The following IL34 variants were observed in gnomAD, a reference collection of about 807,000 sequenced individuals.
IL34 encodes interleukin-34.
In IL34, 17 loss-of-function variants were observed where a neutral mutation model predicts 25.3. The ratio of observed to expected loss-of-function variants is 0.67; its 90% CI spans 0.46 to 1.01. IL34 has a LOEUF of 1.01. Ranked by LOEUF, IL34 falls within the 50% of genes least tolerant of loss-of-function variation. The pLI is 0.00. For synonymous variants in IL34, 174 were observed against 140.9 expected, an observed-to-expected ratio of 1.23 and a Z score of -1.66; for missense variants, 368 against 312.9, an observed-to-expected ratio of 1.18 and a Z score of -1.33.
chr16:70,651,344 A>T (rs2052074006), intron 1 of IL34, among the ~76,000 whole-genome samples: 1 of 152,190 alleles, frequency 6.6e-6, no homozygotes, highest in Non-Finnish European at 1.5e-5. Flanking sequence ...AAGTAAGCAG[A>T]TGTTAAAGGG....
intron 1 of IL34, among the ~76,000 whole-genome samples, chr16:70,602,583 A>ATATG (rs1555503166): frequency 8.1e-5 from 11 of 135,052 alleles, no homozygotes; most frequent in South Asian, 7.6e-4. Flanking sequence ...TTTGGAATTG[A>ATATG]TGTGTGTGTG....
At chr16:70,644,977 A>AGG (rs1418134125), upstream of IL34, among the ~76,000 whole-genome samples, 1 of 135,056 alleles carries the variant, frequency 7.4e-6, no homozygotes, top group Non-Finnish European at 1.6e-5. Context: ...AGGAAGAGAA[A>AGG]GGGAGTAGGA....
intron 4 of IL34, among the ~76,000 whole-genome samples, chr16:70,658,544 C>G (rs1184058309): frequency 6.6e-6 from 1 of 151,710 alleles, no homozygotes; most frequent in South Asian, 2.1e-4. Flanking sequence ...TGCAGTGGGG[C>G]AATCTTGGCT....
At chr16:70,614,864 T>C (rs924707707) in intron 1 of IL34, among the ~76,000 whole-genome samples, 3 of 151,828 alleles carry the variant, frequency 2.0e-5, no homozygotes, top group Non-Finnish European at 4.4e-5. Context: ...TTGTAGGTCT[T>C]GCCCAAGGCT....
chr16:70,642,007 A>G (rs1241790339), upstream of IL34, among the ~76,000 whole-genome samples: 1 of 152,204 alleles, frequency 6.6e-6, no homozygotes, highest in African/African-American at 2.4e-5. Context: ...AAAAAGAGTA[A>G]AGTACGGATA....
chr16:70,626,623 T>C (rs1045873471), intron 1 of IL34, among the ~76,000 whole-genome samples: 1 of 152,152 alleles, frequency 6.6e-6, no homozygotes, highest in African/African-American at 2.4e-5. Flanking sequence ...CTGGAACTCC[T>C]GACCTCAGGT....
intron 1 of IL34, among the ~76,000 whole-genome samples, chr16:70,631,498 A>G (rs1015401648): frequency 1.3e-5 from 2 of 152,230 alleles, no homozygotes; most frequent in Admixed American, 6.5e-5. Flanking sequence ...TATGTTAAAA[A>G]CAAAACCAAA....
intron 1 of IL34, among the ~76,000 whole-genome samples, chr16:70,619,934 C>G (rs2051245344): frequency 6.6e-6 from 1 of 152,270 alleles, no homozygotes; most frequent in African/African-American, 2.4e-5. Flanking sequence ...GTAGCAAGCT[C>G]CTGTGGGAGG....
chr16:70,656,986 G>A lies in IL34; in HGVS notation c.267G>A (p.Glu89=). ...AGAGGGCCCAGGTGAGCGAGCGGGA[G>A]CTGCGGTATCTGTGGGTCTTGGTGA... ...RLQRAQVSER[E]LRYLWVLVSL... Residue 89 remains glutamate, a synonymous_variant, in exon 4 of 6, where the codon GAG becomes GAA. Coordinates refer to ENST00000288098, the MANE Select transcript of IL34 (RefSeq NM_001393494.1). The A allele has an allele frequency of 6.2e-7, 1 of 1,611,236 alleles. No homozygotes were observed. Among genetic ancestry groups the A allele is most frequent in the South Asian group, 1.1e-5 (1 of 90,938 alleles).
chr16:70,625,746 A>T (rs1208924991), intron 1 of IL34, among the ~76,000 whole-genome samples: 1 of 152,170 alleles, frequency 6.6e-6, no homozygotes, highest in Admixed American at 6.5e-5. Flanking sequence ...TCTCCCAGAA[A>T]ATGAAAGGAA....
intron 1 of IL34, among the ~76,000 whole-genome samples, chr16:70,636,502 C>A (rs71384768): frequency 0.021 from 3,163 of 151,866 alleles, 50 homozygotes; most frequent in Non-Finnish European, 0.033. Flanking sequence ...GACATAGTGT[C>A]GTGGCTCATG....
chr16:70,641,205 A>G (rs2051774506), intron 1 of IL34, among the ~76,000 whole-genome samples: 1 of 152,094 alleles, frequency 6.6e-6, no homozygotes, highest in Admixed American at 6.6e-5. Context: ...CCTGGGAGGC[A>G]GAGGTTGCAG....
intron 1 of IL34, among the ~76,000 whole-genome samples, chr16:70,606,367 C>T (rs1201847673): frequency 2.0e-5 from 3 of 152,114 alleles, no homozygotes; most frequent in Admixed American, 6.5e-5. Context: ...CACTGCACTC[C>T]AGCCTGGGCA....
chr16:70,623,296 T>C (rs939716308), intron 1 of IL34, among the ~76,000 whole-genome samples: 2 of 151,850 alleles, frequency 1.3e-5, no homozygotes, highest in African/African-American at 2.4e-5. Context: ...AACATAATAA[T>C]GGATTGTGGA....
intron 5 of IL34, 114 bp from the exon 6 acceptor site, chr16:70,659,883 A>G: frequency 6.8e-7 from 1 of 1,477,722 alleles, no homozygotes; most frequent in South Asian, 1.3e-5. Flanking sequence ...CCATTTCTGG[A>G]AGCCAGGATG....
At chr16:70,613,425 C>T (rs563232395) in intron 1 of IL34, among the ~76,000 whole-genome samples, 1 of 152,172 alleles carries the variant, frequency 6.6e-6, no homozygotes, top group Non-Finnish European at 1.5e-5. Flanking sequence ...TGGTCTCCAC[C>T]CTTACTGTAC....
At chr16:70,593,458 AAAGGTCT>A (rs879301872) in intron 1 of IL34, among the ~76,000 whole-genome samples, 8 of 152,270 alleles carry the variant, frequency 5.3e-5, no homozygotes, top group African/African-American at 9.6e-5. Flanking sequence ...AATTTTTGTG[AAAGGTCT>A]AAGGTCTAAG....
chr16:70,608,423 C>T (rs192814743), intron 1 of IL34, among the ~76,000 whole-genome samples: 4 of 152,226 alleles, frequency 2.6e-5, no homozygotes, highest in Non-Finnish European at 2.9e-5. Flanking sequence ...CCACCACGAC[C>T]GGCCTTGATT....
At chr16:70,643,859 A>G (rs555611991), upstream of IL34, among the ~76,000 whole-genome samples, 6 of 152,336 alleles carry the variant, frequency 3.9e-5, no homozygotes, top group African/African-American at 1.4e-4. Flanking sequence ...TATTGTGATT[A>G]TATATTTTAA....
Sources: gnomAD v4.1 joint callset for allele counts (sites outside exome capture counted in the v4.1 genomes callset) on GRCh38, gnomAD v4.1.1 for gene constraint, MANE v1.5 for transcripts, NCBI Gene and HGNC (gene_info 2026-07-23, HGNC 2026-07-21) for gene names.